CSPP1: variants seen among roughly 807,000 people sequenced by gnomAD.
CSPP1 encodes the protein centrosome and spindle pole-associated protein 1.
A neutral mutation model predicts 164.4 loss-of-function variants in CSPP1; 126 were observed. The ratio of observed to expected loss-of-function variants is 0.77; its 90% CI spans 0.66 to 0.89. The LOEUF (loss-of-function observed/expected upper bound fraction) is 0.89. Among genes scored for constraint, CSPP1 ranks in the 40% least tolerant of loss-of-function variants. The pLI, the probability that CSPP1 is intolerant of heterozygous loss-of-function variation, is 0.00. For missense variants in CSPP1, 1,395 were observed against 1,449.8 expected (o/e 0.96, Z 0.61); for synonymous variants, 472 against 476.7 (o/e 0.99, Z 0.13).
chr8:67,172,621 A>T, intron 25 of CSPP1, 66 bp downstream of exon 25: 1 of 1,338,200 alleles, frequency 7.5e-7, no homozygotes, highest in Non-Finnish European at 1.0e-6. Flanking sequence ...AATATCTATA[A>T]AGATCTTTGT....
intron 2 of CSPP1, chr8:67,075,018 A>C (rs1259184648): frequency 6.5e-6 from 1 of 153,296 alleles, no homozygotes; most frequent in Non-Finnish European, 1.5e-5. Context: ...TGACCTTGAG[A>C]TCCACCCACC....
At chr8:67,083,548 A>AAAAAAAAAAAAAAT (rs1332248754) in intron 3 of CSPP1, 2 of 91,480 alleles carry the variant, frequency 2.2e-5, no homozygotes, top group African/African-American at 4.4e-5. Flanking sequence ...AAAAAAAAAA[A>AAAAAAAAAAAAAAT]ATATATATAT....
At chr8:67,181,902 C>A (rs1833148621) in intron 28 of CSPP1, among the ~76,000 whole-genome samples, 1 of 152,204 alleles carries the variant, frequency 6.6e-6, no homozygotes, top group Non-Finnish European at 1.5e-5. Flanking sequence ...TCTAGGACCT[C>A]ATGTAAGTGG....
chr8:67,121,653 A>G (rs544920675), intron 15 of CSPP1, among the ~76,000 whole-genome samples: 20 of 152,276 alleles, frequency 1.3e-4, no homozygotes, highest in Admixed American at 7.8e-4. Context: ...CTTTGGTATA[A>G]GCATAATGTT....
intron 4 of CSPP1, among the ~76,000 whole-genome samples, chr8:67,087,235 G>T (rs1203578584): frequency 6.6e-6 from 1 of 151,850 alleles, no homozygotes; most frequent in African/African-American, 2.4e-5. Context: ...TACATGTTGT[G>T]AGAATTTGGA....
intron 24 of CSPP1, among the ~76,000 whole-genome samples, chr8:67,171,934 A>C (rs1260102476): frequency 6.7e-6 from 1 of 149,502 alleles, no homozygotes; most frequent in Non-Finnish European, 1.5e-5. Context: ...TGCAACCTCC[A>C]CCTCTTGGGT....
intron 15 of CSPP1, among the ~76,000 whole-genome samples, chr8:67,126,370 C>A (rs1404556430): frequency 6.6e-6 from 1 of 152,166 alleles, no homozygotes; most frequent in Non-Finnish European, 1.5e-5. Flanking sequence ...AGATTCTCCT[C>A]CTCCTTGTGG....
At chr8:67,093,733 C>A (rs1259358233) in intron 6 of CSPP1, 92 bp downstream of exon 6, 2 of 706,442 alleles carry the variant, frequency 2.8e-6, no homozygotes, top group Admixed American at 5.7e-5. Context: ...AGACATTTTA[C>A]TTTTTTTTGT....
chr8:67,136,552 G>C (rs1262449097), intron 16 of CSPP1, among the ~76,000 whole-genome samples: 1 of 119,438 alleles, frequency 8.4e-6, no homozygotes, highest in Non-Finnish European at 1.6e-5. Context: ...TTGGGTGACA[G>C]AGCGAGACTC....
chr8:67,149,739 A>C, intron 17 of CSPP1, 44 bp from the exon 18 acceptor site: 1 of 1,363,106 alleles, frequency 7.3e-7, no homozygotes, highest in Non-Finnish European at 9.7e-7. Context: ...TGCCAATTAC[A>C]GAAATGTGTT....
intron 24 of CSPP1, among the ~76,000 whole-genome samples, chr8:67,165,215 C>T (rs1011481133): frequency 2.0e-5 from 3 of 150,712 alleles, no homozygotes; most frequent in Non-Finnish European, 4.4e-5. Flanking sequence ...ACCCAGGAGG[C>T]GGAGGTTGCA....
At chr8:67,118,156 T>C (rs1338769024) in intron 13 of CSPP1, 92 bp from the exon 14 acceptor site, 2 of 1,320,692 alleles carry the variant, frequency 1.5e-6, no homozygotes, top group Non-Finnish European at 2.2e-6. Context: ...GATAGGATTT[T>C]CAGTACTGTT....
At chr8:67,171,103 T>TA (rs1456556843) in intron 24 of CSPP1, among the ~76,000 whole-genome samples, 2 of 141,702 alleles carry the variant, frequency 1.4e-5, no homozygotes, top group Non-Finnish European at 3.1e-5. Context: ...TTTTTTTTTT[T>TA]AAGAGACGGG....
intron 13 of CSPP1, among the ~76,000 whole-genome samples, chr8:67,116,910 G>A (rs991645224): frequency 1.3e-5 from 2 of 152,124 alleles, no homozygotes; most frequent in Non-Finnish European, 2.9e-5. Context: ...AACTGTGGAA[G>A]TGTGTTTACT....
At chr8:67,164,343 T>C in intron 23 of CSPP1, 48 bp from the exon 24 acceptor site, 1 of 884,478 alleles carries the variant, frequency 1.1e-6, no homozygotes. Flanking sequence ...GTTTAGTCTT[T>C]TGTTCTTATT....
intron 9 of CSPP1, among the ~76,000 whole-genome samples, 160 bp from the exon 10 acceptor site, chr8:67,111,812 A>C (rs890065076): frequency 2.0e-5 from 3 of 149,466 alleles, no homozygotes; most frequent in Non-Finnish European, 4.4e-5. Flanking sequence ...TTACAAAAGA[A>C]ATTGAAGAAG....
chr8:67,159,416 T>C (rs1362404471), intron 21 of CSPP1, among the ~76,000 whole-genome samples: 1 of 151,404 alleles, frequency 6.6e-6, no homozygotes, highest in Admixed American at 6.6e-5. Flanking sequence ...AAGAATATGG[T>C]CTGCAGACAG....
At chr8:67,179,763 A>C (rs1018638542) in intron 27 of CSPP1, 100 bp from the exon 28 acceptor site, 33 of 761,602 alleles carry the variant, frequency 4.3e-5, no homozygotes, top group Middle Eastern at 2.3e-4. Flanking sequence ...CTCTGCTTTT[A>C]GGGAGAACAG....
chr8:67,137,674 T>C, intron 17 of CSPP1, 71 bp downstream of exon 17: 1 of 1,002,440 alleles, frequency 1.0e-6, no homozygotes, highest in Non-Finnish European at 1.4e-6. Flanking sequence ...GATTGGGGAG[T>C]AGAAAAAAGT....
Sources: gnomAD v4.1 joint callset for allele counts (sites outside exome capture counted in the v4.1 genomes callset) on GRCh38, gnomAD v4.1.1 for gene constraint, MANE v1.5 for transcripts, NCBI Gene and HGNC (gene_info 2026-07-23, HGNC 2026-07-21) for gene names.